ZNF44: variants seen among roughly 807,000 people sequenced by gnomAD.
The protein encoded by ZNF44 is zinc finger protein 44.
ZNF44 carries 9 observed loss-of-function variants against 11.7 expected under a neutral mutation model. That is an observed-to-expected ratio of 0.77 (90% CI 0.46 to 1.35). ZNF44 has a LOEUF of 1.35. Ranked by LOEUF, ZNF44 falls within the 40% of genes most tolerant of loss-of-function variation. ZNF44 has a pLI of 0.00. For synonymous variants in ZNF44, 224 were observed against 242.7 expected, an observed-to-expected ratio of 0.92 and a Z score of 0.72; for missense variants, 696 against 743.1, an observed-to-expected ratio of 0.94 and a Z score of 0.74.
At chr19:12,226,305 T>C (rs1915915692) in exon 4 of ZNF44, 2 of 152,218 alleles carry the variant, frequency 1.3e-5, no homozygotes, top group African/African-American at 4.8e-5. Context: ...GGAGAAATCC[T>C]CTCTTCTTGA....
downstream of ZNF44, chr19:12,247,390 C>G (rs761575051): frequency 7.7e-7 from 1 of 1,305,516 alleles, no homozygotes; most frequent in Non-Finnish European, 1.0e-6. Flanking sequence ...CTCATGTGCA[C>G]TCGAAAGCCT....
At chr19:12,249,160 T>C (rs1457849431) in intron 7 of ZNF44, among the ~76,000 whole-genome samples, 1 of 151,844 alleles carries the variant, frequency 6.6e-6, no homozygotes, top group Admixed American at 6.6e-5. Flanking sequence ...GTGCTGGGAT[T>C]ATAGGCGGGA....
chr19:12,266,343 CGACACACCCTGAGCT>C (rs776474173), intron 5 of ZNF44: 93 of 985,142 alleles, frequency 9.4e-5, no homozygotes, highest in Non-Finnish European at 1.1e-4. Context: ...GGGCAAATCG[CGACACACCCTGAGCT>C]GACACACCCT....
chr19:12,270,432 G>A (rs1200770811), downstream of ZNF44, among the ~76,000 whole-genome samples: 1 of 151,452 alleles, frequency 6.6e-6, no homozygotes, highest in African/African-American at 2.4e-5. Flanking sequence ...GCAGATTAAG[G>A]CAATTTACAC....
intron 1 of ZNF44, among the ~76,000 whole-genome samples, chr19:12,285,382 A>G (rs1263977755): frequency 6.6e-6 from 1 of 152,016 alleles, no homozygotes; most frequent in Non-Finnish European, 1.5e-5. Context: ...CAGCCTCCCG[A>G]GTAGCTGGGA....
intron 5 of ZNF44, among the ~76,000 whole-genome samples, chr19:12,252,878 C>CT (rs753388314): frequency 0.15 from 12,058 of 78,780 alleles, 2,301 homozygotes; most frequent in Non-Finnish European, 0.17. Flanking sequence ...CTACAAGAAA[C>CT]TTTTTTTTTT....
chr19:12,250,733 G>A (rs771922591), intron 5 of ZNF44: 1 of 456,054 alleles, frequency 2.2e-6, no homozygotes, highest in South Asian at 1.5e-5. Context: ...GAGACACAGG[G>A]TCAAACATGG....
intron 3 of ZNF44, among the ~76,000 whole-genome samples, chr19:12,228,607 C>A (rs1372099305): frequency 1.3e-5 from 2 of 152,166 alleles, no homozygotes; most frequent in African/African-American, 2.4e-5. Context: ...CCTCAACTTT[C>A]TGACTTGTTG....
chr19:12,259,363 G>A (rs867467925), intron 5 of ZNF44, among the ~76,000 whole-genome samples: 1 of 152,094 alleles, frequency 6.6e-6, no homozygotes, highest in Non-Finnish European at 1.5e-5. Context: ...ACTATAACAT[G>A]AGCCCTAGTA....
chr19:12,234,967 G>C (rs1372312976), intron 1 of ZNF44: 2 of 152,232 alleles, frequency 1.3e-5, no homozygotes, highest in Non-Finnish European at 2.9e-5. Flanking sequence ...AGAAAGACAT[G>C]AGCTCTCTCT....
intron 1 of ZNF44, chr19:12,276,292 G>T: frequency 1.5e-6 from 1 of 659,512 alleles, no homozygotes; most frequent in Non-Finnish European, 2.6e-6. Context: ...AGTTGAGTAG[G>T]AACATATCTC....
chr19:12,230,226 G>A (rs953179233), intron 3 of ZNF44, among the ~76,000 whole-genome samples: 3 of 152,166 alleles, frequency 2.0e-5, no homozygotes, highest in Non-Finnish European at 4.4e-5. Context: ...GGATTGTTTG[G>A]CACCCATGTG....
chr19:12,267,211 A>C (rs1328631226), downstream of ZNF44, among the ~76,000 whole-genome samples: 1 of 151,690 alleles, frequency 6.6e-6, no homozygotes, highest in East Asian at 1.9e-4. Flanking sequence ...CACCAGGCTA[A>C]TTTTTGTATT....
In ZNF44 at chr19:12,282,149, C is replaced by A. The variant is rs144759948; in HGVS notation, c.4-6067G>T. ...CCAGGTAGCAGGCCCTTACCAGAGG[C>A]CTCATCTGCTTGATATTGGACTTTC... On this transcript the variant is annotated intron_variant, in intron 1 of 3. Coordinates refer to ENST00000355684, the MANE Select transcript of ZNF44 (RefSeq NM_016264.4). Among the ~76,000 whole-genome samples the A allele has an allele frequency of 1.7e-3, 253 of 152,272 alleles. 3 individuals are homozygous for A. Among genetic ancestry groups the A allele is most frequent in the Non-Finnish European group, 4.1e-4 (28 of 68,026 alleles).
At chr19:12,246,826 G>A (rs557231891), downstream of ZNF44, among the ~76,000 whole-genome samples, 33 of 151,412 alleles carry the variant, frequency 2.2e-4, no homozygotes, top group South Asian at 1.7e-3. Flanking sequence ...AGAAGTCCGC[G>A]GCCAGCCTGG....
At chr19:12,238,602 T>C (rs10426713), upstream of ZNF44, among the ~76,000 whole-genome samples, 990 of 118,402 alleles carry the variant, frequency 8.4e-3, 5 homozygotes, top group African/African-American at 0.031. Flanking sequence ...CACTCCAGCC[T>C]GGCAACAGAG....
chr19:12,230,192 C>T (rs530038331), intron 3 of ZNF44, among the ~76,000 whole-genome samples: 2 of 152,292 alleles, frequency 1.3e-5, no homozygotes, highest in African/African-American at 4.8e-5. Context: ...GGAGACAGCA[C>T]AGTGGAGAGG....
chr19:12,247,800 C>T (rs1916818246), exon 8 of ZNF44: 1 of 1,300,430 alleles, frequency 7.7e-7, no homozygotes, highest in East Asian at 5.4e-5. Flanking sequence ...AGTGTGAGTA[C>T]TTTCATGTGC....
upstream of ZNF44, among the ~76,000 whole-genome samples, chr19:12,240,691 C>G (rs1162225381): frequency 6.6e-6 from 1 of 152,060 alleles, no homozygotes; most frequent in Non-Finnish European, 1.5e-5. Flanking sequence ...CATGATCATT[C>G]AATGGAGAAA....
Sources: gnomAD v4.1 joint callset for allele counts (sites outside exome capture counted in the v4.1 genomes callset) on GRCh38, gnomAD v4.1.1 for gene constraint, MANE v1.5 for transcripts, NCBI Gene and HGNC (gene_info 2026-07-23, HGNC 2026-07-21) for gene names.